SCAPER: variants seen among roughly 807,000 people sequenced by gnomAD.
SCAPER encodes S phase cyclin A-associated protein in the endoplasmic reticulum.
Under a neutral mutation model 182.2 loss-of-function variants are expected in SCAPER, and 98 were observed. The observed-to-expected ratio is 0.54, with a 90% CI of 0.46 to 0.64. The LOEUF (loss-of-function observed/expected upper bound fraction) is 0.64, where lower values mean the gene tolerates loss of function less well. SCAPER is among the 30% of genes least tolerant of loss of function. The pLI, the probability that SCAPER is intolerant of heterozygous loss-of-function variation, is 0.00. For missense variants in SCAPER, 1,432 were observed against 1,690.0 expected (o/e 0.85, Z 2.68); for synonymous variants, 605 against 564.6 (o/e 1.07, Z -1.01).
At chr15:76,828,855 G>A (rs4886832) in intron 5 of SCAPER, among the ~76,000 whole-genome samples, 124,479 of 152,152 alleles carry the variant, frequency 0.82, 51,667 homozygotes, top group Middle Eastern at 0.91. Flanking sequence ...AAATCAAAAC[G>A]ATAAGATTAT....
rs191728824 is a variant in SCAPER at position 76,874,974 on chromosome 15, A to C, written c.6+8838T>G. On this transcript the variant is annotated intron_variant, in intron 2 of 31. Coordinates refer to ENST00000563290, the MANE Select transcript of SCAPER (RefSeq NM_020843.4). ...CAGAGTGAGACTCTGCCTCTCAAAA[A>C]AATAATAATAATAATTAAGTAACAT... Among the ~76,000 whole-genome samples the C allele has an allele frequency of 3.3e-5, 5 of 152,240 alleles. No homozygotes were observed. In the East Asian group the frequency reaches 9.6e-4, roughly 29 times the overall value.
At chr15:76,392,436 G>C (rs2043760912) in intron 27 of SCAPER, among the ~76,000 whole-genome samples, 1 of 152,250 alleles carries the variant, frequency 6.6e-6, no homozygotes, top group South Asian at 2.1e-4. Flanking sequence ...AACAGGCTTT[G>C]AAAACCTAAA....
chr15:76,729,469 T>C (rs571738832), intron 16 of SCAPER, among the ~76,000 whole-genome samples: 469 of 152,110 alleles, frequency 3.1e-3, no homozygotes, highest in African/African-American at 0.011. Context: ...GAAAAAACCA[T>C]AGTTAATAGA....
chr15:76,534,283 G>A (rs2043936348), intron 23 of SCAPER, among the ~76,000 whole-genome samples: 1 of 152,284 alleles, frequency 6.6e-6, no homozygotes, highest in South Asian at 2.1e-4. Flanking sequence ...GCAGTGGGCT[G>A]CAAATTTATC....
chr15:76,468,191 C>T (rs1460617776), intron 25 of SCAPER, among the ~76,000 whole-genome samples: 1 of 152,038 alleles, frequency 6.6e-6, no homozygotes, highest in Non-Finnish European at 1.5e-5. Context: ...CACCAACCAC[C>T]CCAAACCAGG....
chr15:76,495,949 A>G (rs2040459034), intron 24 of SCAPER, among the ~76,000 whole-genome samples: 1 of 151,304 alleles, frequency 6.6e-6, no homozygotes, highest in African/African-American at 2.4e-5. Context: ...GTATTATGCT[A>G]CCAGGATTTG....
chr15:76,845,336 C>A (rs1373718015), intron 4 of SCAPER, among the ~76,000 whole-genome samples: 1 of 152,108 alleles, frequency 6.6e-6, no homozygotes, highest in Non-Finnish European at 1.5e-5. Flanking sequence ...GCTTTCACCA[C>A]TGTTATTCAA....
intron 5 of SCAPER, among the ~76,000 whole-genome samples, chr15:76,808,181 G>A (rs189240026): frequency 2.2e-3 from 336 of 152,260 alleles, no homozygotes; most frequent in Non-Finnish European, 3.5e-3. Flanking sequence ...CACAGAAAGG[G>A]TTTGTCTGCA....
chr15:76,500,200 G>A lies in SCAPER; in HGVS notation c.2954+4659C>T, dbSNP rs191343888. Among the ~76,000 whole-genome samples, 126 of 152,304 alleles carry A rather than the reference G, an allele frequency of 8.3e-4. 1 individual carries two copies. Among genetic ancestry groups the A allele is most frequent in the South Asian group, 8.3e-4 (4 of 4,830 alleles). ...TACACATTTTTCACTATACCATGCTGTCTGCTTTGCTTTGTGTTGATGAAT... is the reference window on the plus strand; with the variant it reads ...TACACATTTTTCACTATACCATGCTATCTGCTTTGCTTTGTGTTGATGAAT... On this transcript the variant is annotated intron_variant, in intron 24 of 31. Coordinates refer to ENST00000563290, the MANE Select transcript of SCAPER (RefSeq NM_020843.4).
At chr15:76,448,860 C>G (rs530295548) in intron 25 of SCAPER, among the ~76,000 whole-genome samples, 3 of 152,088 alleles carry the variant, frequency 2.0e-5, no homozygotes, top group Non-Finnish European at 4.4e-5. Context: ...TGGATGCAGA[C>G]AGCTCTTTAA....
chr15:76,393,974 G>C (rs1325481809), intron 27 of SCAPER, among the ~76,000 whole-genome samples: 1 of 152,190 alleles, frequency 6.6e-6, no homozygotes, highest in East Asian at 1.9e-4. Context: ...GTGGAACAAA[G>C]ATAACCCATC....
At chr15:76,457,502 A>G (rs2048829046) in intron 25 of SCAPER, among the ~76,000 whole-genome samples, 1 of 151,970 alleles carries the variant, frequency 6.6e-6, no homozygotes, top group South Asian at 2.1e-4. Flanking sequence ...GAATATCTGA[A>G]TATATTTTAG....
chr15:76,553,992 A>G (rs1284106643), intron 23 of SCAPER, among the ~76,000 whole-genome samples: 1 of 152,176 alleles, frequency 6.6e-6, no homozygotes, highest in Non-Finnish European at 1.5e-5. Flanking sequence ...AACGGCTGAA[A>G]TGACAGACAC....
At chr15:76,661,500 C>T (rs988081291) in intron 21 of SCAPER, among the ~76,000 whole-genome samples, 6 of 152,038 alleles carry the variant, frequency 3.9e-5, no homozygotes, top group Non-Finnish European at 8.8e-5. Flanking sequence ...AAAACAACCT[C>T]ATCAAAAAGT....
chr15:76,528,447 C>T (rs2043372644), intron 23 of SCAPER, among the ~76,000 whole-genome samples: 2 of 152,160 alleles, frequency 1.3e-5, no homozygotes, highest in South Asian at 4.1e-4. Flanking sequence ...TCAACATGTC[C>T]AGAGAGGAAT....
intron 15 of SCAPER, among the ~76,000 whole-genome samples, chr15:76,746,020 C>T (rs1012150765): frequency 2.0e-5 from 3 of 152,132 alleles, no homozygotes; most frequent in South Asian, 2.1e-4. Context: ...CTTTAAACAA[C>T]AAAATTGGAC....
chr15:76,863,295 G>A (rs1046025089), intron 2 of SCAPER, among the ~76,000 whole-genome samples: 5 of 152,154 alleles, frequency 3.3e-5, no homozygotes, highest in Admixed American at 6.5e-5. Flanking sequence ...ATGTGAACAC[G>A]AGGATGCAGC....
chr15:76,486,896 G>A (rs772565626), intron 24 of SCAPER, among the ~76,000 whole-genome samples: 12 of 152,162 alleles, frequency 7.9e-5, no homozygotes, highest in Admixed American at 2.0e-4. Context: ...GCATGCAAAT[G>A]TTCACTGCAG....
At position 76,407,645 on chromosome 15, in the gene SCAPER, CT is replaced by C. The variant is rs762344827; in HGVS notation, c.3312-2967del. On this transcript the variant is annotated intron_variant, in intron 26 of 31. Transcript: ENST00000563290. ...TAGAAAAAGTTAGCCATAATTTCAC[CT>C]TTTAAAGACAATCACAGTTTGATAA... Among the ~76,000 whole-genome samples the C allele has an allele frequency of 5.9e-5, 9 of 152,032 alleles. No homozygotes were observed. The East Asian group carries it at 1.3e-3, about 23-fold the overall frequency.
Sources: allele counts gnomAD v4.1 joint callset (sites outside exome capture counted in the v4.1 genomes callset), GRCh38; gene constraint gnomAD v4.1.1; transcripts MANE v1.5; gene names NCBI Gene and HGNC (gene_info 2026-07-23, HGNC 2026-07-21).